ZBTB44: variants seen among roughly 807,000 people sequenced by gnomAD.
ZBTB44 encodes zinc finger and BTB domain containing 44, also known as zinc finger and BTB domain-containing protein 44.
ZBTB44 carries 15 observed loss-of-function variants against 54.0 expected under a neutral mutation model. That is an observed-to-expected ratio of 0.28 (90% CI 0.19 to 0.43). The LOEUF (loss-of-function observed/expected upper bound fraction) is 0.43, where lower values mean the gene tolerates loss of function less well. ZBTB44 is among the 20% of genes least tolerant of loss of function. The probability of loss-of-function intolerance (pLI) is 1.00; values close to 1 mark genes in which losing one functional copy is unlikely to be tolerated. For missense variants in ZBTB44, 487 were observed against 707.1 expected, an observed-to-expected ratio of 0.69 and a Z score of 3.53; for synonymous variants, 230 against 250.1, an observed-to-expected ratio of 0.92 and a Z score of 0.76.
rs560511375 is a variant in ZBTB44, at chr11:130,259,970, CAGAGA to C, written c.1018+881_1018+885del. On this transcript the variant is annotated intron_variant, in intron 2 of 7. Coordinates refer to ENST00000357899, the MANE Select transcript of ZBTB44 (RefSeq NM_001301098.2). ...ATTAAAAAAAAGAAAAAAATACTGC[CAGAGA>C]AAACAACTATAAATCATTTTATTTT... Among the ~76,000 whole-genome samples, 440 of 151,794 alleles carry C rather than the reference CAGAGA, an allele frequency of 2.9e-3. 1 individual carries two copies. Among genetic ancestry groups the C allele is most frequent in the Non-Finnish European group, 4.4e-3 (299 of 67,950 alleles).
At chr11:130,284,291 T>G (rs749811868) in intron 1 of ZBTB44, among the ~76,000 whole-genome samples, 16 of 152,224 alleles carry the variant, frequency 1.1e-4, no homozygotes, top group Non-Finnish European at 1.9e-4. Context: ...ACTCACACTT[T>G]GCAGTCATCC....
intron 2 of ZBTB44, among the ~76,000 whole-genome samples, chr11:130,260,179 T>C (rs1565658462): frequency 6.6e-6 from 1 of 152,166 alleles, no homozygotes; most frequent in South Asian, 2.1e-4. Flanking sequence ...CTCCCACTAT[T>C]CCCTACAGTT....
In ZBTB44 at chr11:130,261,405, C is replaced by T. The variant is rs753387940; in HGVS notation, c.469G>A (p.Asp157Asn). The T allele has an allele frequency of 5.0e-6, 8 of 1,613,884 alleles. No individual in the cohort carries two copies. The highest frequency in any genetic ancestry group is 1.3e-5 in the African/African-American group (1 of 74,924). The change falls in exon 2 of 8, where the codon GAT becomes AAT. Residue 157 changes from aspartate to asparagine, a missense_variant. Physicochemically the swap from Asp to Asn is conservative, Grantham distance 23. Around this residue, in one of 3 missense-constraint regions of ZBTB44, gnomAD observed 277 missense variants for 306.5 expected, o/e 0.90. Coordinates refer to ENST00000357899, the MANE Select transcript of ZBTB44 (RefSeq NM_001301098.2). This position sits in a 1 kb window ranked among gnomAD's most constrained non-coding sequence, Gnocchi z 4.8. ...NNSNCNFTSRDGSISPVSSEC... is the reference protein window; with the variant it reads ...NNSNCNFTSRNGSISPVSSEC... ...GAGGACACGGGAGAAATGCTCCCAT[C>T]TCGAGAAGTAAAATTGCAGTTAGAA...
intron 1 of ZBTB44, among the ~76,000 whole-genome samples, chr11:130,313,066 C>T (rs1354331379): frequency 6.6e-6 from 1 of 151,998 alleles, no homozygotes; most frequent in Non-Finnish European, 1.5e-5. Context: ...AACCTCTATA[C>T]GACTAAAATT....
At chr11:130,276,855 C>T (rs1037127083) in intron 1 of ZBTB44, among the ~76,000 whole-genome samples, 3 of 152,136 alleles carry the variant, frequency 2.0e-5, no homozygotes, top group African/African-American at 7.2e-5. Context: ...TGCAACATAA[C>T]TGTTACAGCT....
At chr11:130,298,705 C>T (rs772581628) in intron 1 of ZBTB44, among the ~76,000 whole-genome samples, 1 of 151,832 alleles carries the variant, frequency 6.6e-6, no homozygotes, top group Non-Finnish European at 1.5e-5. Flanking sequence ...TCAGGTTATC[C>T]GCTTGCCTCA....
At chr11:130,293,706 G>A (rs12292881) in intron 1 of ZBTB44, among the ~76,000 whole-genome samples, 5 of 151,858 alleles carry the variant, frequency 3.3e-5, no homozygotes, top group Admixed American at 6.6e-5. Flanking sequence ...TGAGGCAGGA[G>A]AATCAGTTGA....
At chr11:130,276,373 G>A (rs997819453) in intron 1 of ZBTB44, among the ~76,000 whole-genome samples, 2 of 151,870 alleles carry the variant, frequency 1.3e-5, no homozygotes, top group Non-Finnish European at 2.9e-5. Flanking sequence ...ATGTCAGTTA[G>A]GTCTAGTTGG....
chr11:130,282,015 C>T (rs1238376273), intron 1 of ZBTB44, among the ~76,000 whole-genome samples: 1 of 152,192 alleles, frequency 6.6e-6, no homozygotes, highest in Non-Finnish European at 1.5e-5. Flanking sequence ...CATGCCACCA[C>T]ACTCCAGCCT....
intron 2 of ZBTB44, among the ~76,000 whole-genome samples, chr11:130,245,700 C>T (rs189446090): frequency 3.5e-3 from 528 of 151,968 alleles, no homozygotes; most frequent in Non-Finnish European, 6.0e-3. Flanking sequence ...AGACTGGCAT[C>T]GGCTTCTCAC....
At chr11:130,271,704 C>T (rs966170815) in intron 1 of ZBTB44, among the ~76,000 whole-genome samples, 3 of 152,100 alleles carry the variant, frequency 2.0e-5, no homozygotes, top group Admixed American at 6.5e-5. Flanking sequence ...CTCCATATTC[C>T]GCATTTTTAT....
chr11:130,248,082 C>G (rs1470094336), intron 2 of ZBTB44, among the ~76,000 whole-genome samples: 1 of 152,140 alleles, frequency 6.6e-6, no homozygotes, highest in East Asian at 1.9e-4. Flanking sequence ...AAATAATACA[C>G]TAAACATTAT....
rs1953704220 is a variant in ZBTB44, at chr11:130,226,706, A to G, written c.*5058T>C. 1.3e-5 allele frequency: 2 copies of G among 152,362 alleles called. No individual in the cohort carries two copies. Among genetic ancestry groups the G allele is most frequent in the South Asian group, 2.1e-4 (1 of 4,834 alleles). The allele number at this position is 152,362 out of a possible 1,614,324, so 9.4% of individuals were successfully genotyped here. On this transcript the variant is annotated 3_prime_UTR_variant, in exon 8 of 8. Coordinates refer to ENST00000357899, the MANE Select transcript of ZBTB44 (RefSeq NM_001301098.2). The stretch of plus-strand genomic sequence containing the variant: ...ATTCCATAAAGCATAAGATATTTTA[A>G]TGAGAAAACGAAAACAAAATCAAAC...
intron 1 of ZBTB44, among the ~76,000 whole-genome samples, chr11:130,312,829 TTAA>T (rs1439372599): frequency 5.9e-5 from 9 of 152,214 alleles, no homozygotes; most frequent in African/African-American, 1.7e-4. Context: ...TTGATAGGCA[TTAA>T]TAATGATACT....
chr11:130,307,106 A>T (rs1942311070), intron 1 of ZBTB44, among the ~76,000 whole-genome samples: 1 of 151,862 alleles, frequency 6.6e-6, no homozygotes, highest in Non-Finnish European at 1.5e-5. Flanking sequence ...ATACCTGAAT[A>T]GCCATACCTA....
intron 1 of ZBTB44, among the ~76,000 whole-genome samples, chr11:130,312,586 A>G (rs577668454): frequency 6.6e-6 from 1 of 152,320 alleles, no homozygotes; most frequent in African/African-American, 2.4e-5. Context: ...ATTTTACAAG[A>G]CAACTGGTTT....
intron 1 of ZBTB44, among the ~76,000 whole-genome samples, chr11:130,288,443 ACTC>A (rs1258292731): frequency 6.6e-6 from 1 of 152,044 alleles, no homozygotes; most frequent in Non-Finnish European, 1.5e-5. Context: ...CCTCTGGAAA[ACTC>A]CATTGTATAT....
chr11:130,259,054 C>T (rs189905931), intron 2 of ZBTB44, among the ~76,000 whole-genome samples: 9 of 152,292 alleles, frequency 5.9e-5, no homozygotes, highest in Admixed American at 5.9e-4. Context: ...CTACAAACCA[C>T]TGCTCAAGAA....
chr11:130,296,209 G>C, intron 1 of ZBTB44: 1 of 1,291,098 alleles, frequency 7.7e-7, no homozygotes, highest in Non-Finnish European at 1.1e-6. Flanking sequence ...TTGTATGTTA[G>C]TGTTGATGAT....
Sources: gnomAD v4.1 joint callset for allele counts (sites outside exome capture counted in the v4.1 genomes callset) on GRCh38, gnomAD v4.1.1 for gene constraint, gnomAD v4.1.1 regional missense constraint, Gnocchi (gnomAD v3.1) non-coding constraint, MANE v1.5 for transcripts, NCBI Gene and HGNC (gene_info 2026-07-23, HGNC 2026-07-21) for gene names.